Variants in FBXL17 observed in about 807,000 individuals in gnomAD.
FBXL17 encodes F-box/LRR-repeat protein 17.
FBXL17 carries 22 observed loss-of-function variants against 66.2 expected under a neutral mutation model. That is an observed-to-expected ratio of 0.33 (90% confidence interval 0.24 to 0.47). The LOEUF is 0.47. Among genes scored for constraint, FBXL17 ranks in the 20% least tolerant of loss-of-function variants. The probability of loss-of-function intolerance (pLI) is 1.00; values close to 1 mark genes in which losing one functional copy is unlikely to be tolerated. For synonymous variants in FBXL17, 474 were observed against 400.5 expected, an observed-to-expected ratio of 1.18 and a Z score of -2.19; for missense variants, 878 against 948.2, an observed-to-expected ratio of 0.93 and a Z score of 0.97.
At chr5:108,130,050 G>A (rs1355747698) in intron 6 of FBXL17, among the ~76,000 whole-genome samples, 1 of 151,654 alleles carries the variant, frequency 6.6e-6, no homozygotes, top group Non-Finnish European at 1.5e-5. Flanking sequence ...TTCAAAGGAA[G>A]AATAATCATA....
chr5:108,208,259 AG>A lies in FBXL17; in HGVS notation c.1614+15861del, dbSNP rs1754213977. 2.0e-5 allele frequency among the ~76,000 whole-genome samples: 3 copies of A among 152,150 alleles called. No homozygotes were observed. The South Asian group carries it at 6.2e-4, about 31-fold the overall frequency. On this transcript the variant is annotated intron_variant, in intron 5 of 8. Transcript: ENST00000542267. ...TTGCAAAAATCTTCTCCCATTCTGTAGGGTCTGTTCACTCTGATGATAATTT... is the reference window on the plus strand; with the variant it reads ...TTGCAAAAATCTTCTCCCATTCTGTAGGTCTGTTCACTCTGATGATAATTT...
At chr5:108,102,717 T>C (rs1749648221) in intron 6 of FBXL17, among the ~76,000 whole-genome samples, 1 of 151,756 alleles carries the variant, frequency 6.6e-6, no homozygotes, top group African/African-American at 2.4e-5. Flanking sequence ...ACAAAATCAA[T>C]GCAAGACAAA....
intron 4 of FBXL17, among the ~76,000 whole-genome samples, chr5:108,235,962 A>T (rs1755583368): frequency 6.6e-6 from 1 of 152,266 alleles, no homozygotes; most frequent in Non-Finnish European, 1.5e-5. Context: ...GTAGTGGCTA[A>T]GAATTAGATA....
chr5:107,884,921 G>A (rs978680074), intron 7 of FBXL17, among the ~76,000 whole-genome samples: 1 of 152,134 alleles, frequency 6.6e-6, no homozygotes, highest in African/African-American at 2.4e-5. Context: ...AAAATGAAAA[G>A]ACTTGAAAGA....
At chr5:108,371,116 G>A (rs570620994) in intron 1 of FBXL17, among the ~76,000 whole-genome samples, 4 of 152,314 alleles carry the variant, frequency 2.6e-5, no homozygotes, top group South Asian at 4.1e-4. Flanking sequence ...GACAGAGAAT[G>A]TGAGAAGACT....
chr5:107,924,047 A>G (rs901707825), intron 7 of FBXL17, among the ~76,000 whole-genome samples: 14 of 143,538 alleles, frequency 9.8e-5, no homozygotes, highest in Admixed American at 2.9e-4. Context: ...AAGAAGTGGC[A>G]TATGAGCTTA....
chr5:108,030,221 T>C (rs763608860), intron 6 of FBXL17, among the ~76,000 whole-genome samples: 28 of 152,258 alleles, frequency 1.8e-4, no homozygotes, highest in Non-Finnish European at 3.4e-4. Flanking sequence ...TTGCTCTGCA[T>C]GGATTAGTCA....
In FBXL17 at chr5:108,126,631, G is replaced by GTCTCTCTCTCTCTCTCTCTC. The variant is rs140769664; in HGVS notation, c.1745+59466_1745+59485dup. ...TATAAGATTATCTCTCTGTCTCTCTGTCTCTCTCTCTCTCTCTCTCTATAT... is the reference window on the plus strand; with the variant it reads ...TATAAGATTATCTCTCTGTCTCTCTGTCTCTCTCTCTCTCTCTCTCTCTCTCTCTCTCTCTCTCTCTATAT... On this transcript the variant is annotated intron_variant, in intron 6 of 8. Transcript: ENST00000542267. Among the ~76,000 whole-genome samples, 644 of 111,844 alleles carry GTCTCTCTCTCTCTCTCTCTC rather than the reference G, an allele frequency of 5.8e-3. 4 individuals are homozygous for GTCTCTCTCTCTCTCTCTCTC. The highest frequency in any genetic ancestry group is 8.1e-3 in the Admixed American group (84 of 10,386). 73.4% of individuals were successfully genotyped at this position (111,844 alleles called of 152,430 possible).
chr5:108,381,329 T>C lies in FBXL17; in HGVS notation c.363A>G (p.Leu121=), dbSNP rs1393596389. ...DCAAAARRFL[L]SSAAAAAAAA... is the part of the protein sequence containing the mutation. ...CGGCGGCGGCGGCGGCGGCCGAGGA[T>C]AGCAGGAAGCGGCGGGCAGCAGCGG... Residue 121 remains leucine (L), a synonymous_variant, in exon 1 of 9, where the codon CTA becomes CTG. Transcript: ENST00000542267. 13 of 1,382,388 alleles carry C rather than the reference T, an allele frequency of 9.4e-6. 1 individual carries two copies. In the Admixed American group the frequency reaches 3.7e-4, roughly 39 times the overall value. 85.6% of individuals were successfully genotyped at this position (1,382,388 alleles called of 1,614,324 possible). A position where few individuals can be genotyped will look rare whatever the true frequency, so the allele number is the denominator to read the frequency against.
intron 7 of FBXL17, among the ~76,000 whole-genome samples, chr5:107,881,913 T>C (rs1162981266): frequency 6.6e-6 from 1 of 152,198 alleles, no homozygotes; most frequent in African/African-American, 2.4e-5. Flanking sequence ...ACCACTAAAG[T>C]GCAGACACTT....
intron 4 of FBXL17, among the ~76,000 whole-genome samples, chr5:108,327,212 G>C (rs1322583279): frequency 6.6e-6 from 1 of 152,160 alleles, no homozygotes; most frequent in Admixed American, 6.5e-5. Flanking sequence ...CTTTGATCCA[G>C]AAGTAAATCC....
At chr5:107,917,905 G>A (rs1397402331) in intron 7 of FBXL17, among the ~76,000 whole-genome samples, 1 of 152,150 alleles carries the variant, frequency 6.6e-6, no homozygotes, top group African/African-American at 2.4e-5. Context: ...AATTTCACAA[G>A]AAAATTTCAG....
chr5:108,285,513 A>G (rs1176436444), intron 4 of FBXL17, among the ~76,000 whole-genome samples: 3 of 151,936 alleles, frequency 2.0e-5, no homozygotes, highest in Non-Finnish European at 4.4e-5. Context: ...GTTAACAGGC[A>G]TAAAAATGGC....
In FBXL17 at chr5:108,346,063, T is replaced by C. The variant is rs367722931; in HGVS notation, c.1506+2336A>G. Among the ~76,000 whole-genome samples the C allele has an allele frequency of 5.3e-5, 8 of 152,168 alleles. No individual in the cohort carries two copies. In the East Asian group the frequency reaches 1.2e-3, roughly 22 times the overall value. ...CTAACTTAAAATATTTGTTGTTACA[T>C]TACTAAGAATAGGTGTCAAAGTAAA... On this transcript the variant is annotated intron_variant, in intron 4 of 8. Transcript: ENST00000542267.
intron 6 of FBXL17, among the ~76,000 whole-genome samples, chr5:108,126,631 GTCTC>G (rs140769664): frequency 0.067 from 7,562 of 112,556 alleles, 419 homozygotes; most frequent in African/African-American, 0.15. Flanking sequence ...CTGTCTCTCT[GTCTC>G]TCTCTCTCTC....
chr5:107,980,895 C>T (rs746654128), intron 7 of FBXL17, among the ~76,000 whole-genome samples: 3 of 151,392 alleles, frequency 2.0e-5, no homozygotes, highest in African/African-American at 4.9e-5. Flanking sequence ...CCGCCCGCCT[C>T]GGCCTCCCAA....
At chr5:108,280,278 C>A (rs1024123688) in intron 4 of FBXL17, among the ~76,000 whole-genome samples, 6 of 152,234 alleles carry the variant, frequency 3.9e-5, no homozygotes, top group Admixed American at 3.3e-4. Context: ...CAGCTGACTT[C>A]TCAGCAGAAA....
At chr5:107,874,110 A>T (rs1484968115) in intron 8 of FBXL17, among the ~76,000 whole-genome samples, 1 of 151,764 alleles carries the variant, frequency 6.6e-6, no homozygotes, top group Non-Finnish European at 1.5e-5. Context: ...GAAAGGACTG[A>T]CTTCTACCGG....
intron 5 of FBXL17, among the ~76,000 whole-genome samples, chr5:108,199,676 T>C (rs538098634): frequency 3.9e-5 from 6 of 152,252 alleles, no homozygotes; most frequent in African/African-American, 1.4e-4. Flanking sequence ...TCTCTGCTTG[T>C]GCTTTGATGC....
Sources: gnomAD v4.1 joint callset for allele counts (sites outside exome capture counted in the v4.1 genomes callset) on GRCh38, gnomAD v4.1.1 for gene constraint, MANE v1.5 for transcripts, NCBI Gene and HGNC (gene_info 2026-07-23, HGNC 2026-07-21) for gene names.